Variants in DRP2 observed in about 807,000 individuals in gnomAD.
The protein encoded by DRP2 is dystrophin related protein 2.
DRP2 carries 29 observed loss-of-function variants against 78.2 expected under a neutral mutation model. The ratio of observed to expected loss-of-function variants is 0.37; its 90% confidence interval spans 0.28 to 0.51. The LOEUF is 0.51. Ranked by LOEUF, DRP2 falls within the 20% of genes least tolerant of loss-of-function variation. The pLI is 0.94. For synonymous variants in DRP2, 290 were observed against 281.9 expected (o/e 1.03, Z -0.29); for missense variants, 686 against 770.6 (o/e 0.89, Z 1.30).
chrX:101,250,387 G>A (rs1923088079), intron 14 of DRP2, 36 bp from the exon 15 acceptor site: 1 of 1,207,900 alleles, frequency 8.3e-7, no homozygotes, highest in Admixed American at 2.2e-5. Context: ...CCATTCCTGT[G>A]TCGGGGTTGG....
chrX:101,255,765 G>T (rs1329233503), intron 20 of DRP2, among the ~76,000 whole-genome samples: 7 of 108,466 alleles, frequency 6.5e-5, no homozygotes, highest in Admixed American at 5.9e-4. Context: ...GGATCAATCT[G>T]CCCTGACTGG....
chrX:101,249,671 C>T (rs187643511), intron 14 of DRP2, among the ~76,000 whole-genome samples: 2 of 111,017 alleles, frequency 1.8e-5, no homozygotes, highest in Non-Finnish European at 3.8e-5. Flanking sequence ...AGTAATGGAC[C>T]CAAAACTCGA....
rs903164516 is a variant in DRP2 at position 101,254,173 on chromosome X, A to C, written c.1978-252A>C. The stretch of plus-strand genomic sequence containing the variant: ...GCTTTTAGAGGAACTGAGACAATTA[A>C]ATTTTTAAGTATAAAATGAAAGTCC... On this transcript the variant is annotated intron_variant, in intron 17 of 23. Coordinates refer to ENST00000395209, the MANE Select transcript of DRP2 (RefSeq NM_001939.3). 1.4e-3 allele frequency among the ~76,000 whole-genome samples: 157 copies of C among 109,241 alleles called. 10 individuals are homozygous for C. The highest frequency in any genetic ancestry group is 5.3e-4 in the Non-Finnish European group (28 of 52,554). 94.9% of individuals were successfully genotyped at this position (109,241 alleles called of 115,157 possible). A position where few individuals can be genotyped will look rare whatever the true frequency, so the allele number is the denominator to read the frequency against.
chrX:101,245,536 A>G (rs1222639819), intron 11 of DRP2, 87 bp downstream of exon 11: 12 of 734,553 alleles, frequency 1.6e-5, no homozygotes, highest in Non-Finnish European at 2.4e-5. Context: ...ATGGATAAAG[A>G]AAATGTGGTA....
intron 1 of DRP2, among the ~76,000 whole-genome samples, chrX:101,223,314 T>C (rs767637971): frequency 8.9e-6 from 1 of 112,483 alleles, no homozygotes; most frequent in Non-Finnish European, 1.9e-5. Flanking sequence ...AACTTATTTT[T>C]TCTATTCAAT....
chrX:101,228,745 C>T (rs961416930), intron 2 of DRP2, among the ~76,000 whole-genome samples: 1 of 110,913 alleles, frequency 9.0e-6, no homozygotes, highest in Non-Finnish European at 1.9e-5. Flanking sequence ...CCGTCTCTAC[C>T]AAAAATACAA....
At position 101,239,006 on chromosome X, in the gene DRP2, G is replaced by A. The variant is rs952978009; in HGVS notation, c.464G>A (p.Arg155Gln). The A allele has an allele frequency of 1.5e-5, 18 of 1,208,483 alleles. No individual in the cohort carries two copies. The highest frequency in any genetic ancestry group is 3.0e-5 in the East Asian group (1 of 33,732). The change falls in exon 6 of 24, where the codon CGG (arginine) becomes CAG (glutamine). Residue 155 changes from arginine (R) to glutamine (Q), a missense_variant. This residue lies in a region of DRP2 where 263 missense variants were observed against 239.1 expected (regional missense o/e 1.10). Coordinates refer to ENST00000395209, the MANE Select transcript of DRP2 (RefSeq NM_001939.3). ...GCCTTTATGGAAGAAGTCAAGTCTCGGGGCCCCTACATCTATTCTGTGCTG... is the reference window on the plus strand; with the variant it reads ...GCCTTTATGGAAGAAGTCAAGTCTCAGGGCCCCTACATCTATTCTGTGCTG... Reference protein sequence around the residue: ...HAAFMEEVKSRGPYIYSVLES... With the variant: ...HAAFMEEVKSQGPYIYSVLES...
chrX:101,251,829 C>T (rs756504083), intron 16 of DRP2: 1 of 111,960 alleles, frequency 8.9e-6, no homozygotes, highest in East Asian at 2.8e-4. Flanking sequence ...CATCTGAGGT[C>T]TCCTTGATTA....
At chrX:101,233,050 G>T (rs749320791) in intron 3 of DRP2, among the ~76,000 whole-genome samples, 1 of 112,499 alleles carries the variant, frequency 8.9e-6, no homozygotes, top group South Asian at 3.7e-4. Flanking sequence ...AAAGCCAGAA[G>T]TAGAAGGTAA....
intron 2 of DRP2, among the ~76,000 whole-genome samples, chrX:101,230,893 C>G (rs1230222389): frequency 1.8e-5 from 2 of 112,045 alleles, no homozygotes; most frequent in East Asian, 5.6e-4. Flanking sequence ...CTCTTCACTT[C>G]ATCCCATAAA....
intron 21 of DRP2, among the ~76,000 whole-genome samples, chrX:101,256,488 G>A (rs944299262): frequency 9.0e-6 from 1 of 111,287 alleles, no homozygotes; most frequent in African/African-American, 3.3e-5. Flanking sequence ...TTGGCTCAGT[G>A]CCTGGCTTAT....
chrX:101,256,278 C>T lies in DRP2; in HGVS notation c.2390+17C>T. Reference sequence around the variant, plus strand: ...TGAGAACCGGTGGGTGTGATGATAGCAGAAATCTGTGTGGGTTCTTGAGGC... The same window carrying T: ...TGAGAACCGGTGGGTGTGATGATAGTAGAAATCTGTGTGGGTTCTTGAGGC... On this transcript the variant is annotated intron_variant, in intron 21 of 23. Coordinates refer to ENST00000395209, the MANE Select transcript of DRP2 (RefSeq NM_001939.3). The T allele has an allele frequency of 8.6e-7, 1 of 1,156,917 alleles. No homozygotes were observed. The highest frequency in any genetic ancestry group is 1.2e-6 in the Non-Finnish European group (1 of 868,388).
chrX:101,253,384 A>G (rs1050681071), intron 17 of DRP2, among the ~76,000 whole-genome samples: 1 of 109,358 alleles, frequency 9.1e-6, no homozygotes, highest in African/African-American at 3.3e-5. Context: ...AGCTTCCAGC[A>G]CTGACTCTGC....
rs1335542227 is a variant in DRP2, at chrX:101,257,557, G to A, written c.2391-752G>A. On this transcript the variant is annotated intron_variant, in intron 21 of 23. Coordinates refer to ENST00000395209, the MANE Select transcript of DRP2 (RefSeq NM_001939.3). ...TTGAATAGGGTAGAGACCAGTTTGA[G>A]TGTTGTTGAACTTGTGTGATGAATT... is the stretch of plus-strand genomic sequence containing the variant. Among the ~76,000 whole-genome samples, 4 of 109,710 alleles carry A rather than the reference G, an allele frequency of 3.6e-5. 1 individual carries two copies. Among genetic ancestry groups the A allele is most frequent in the Admixed American group, 9.7e-5 (1 of 10,279 alleles).
rs768534102 is a variant in DRP2, at chrX:101,248,534, G to A, written c.1475G>A (p.Arg492Gln). 3 of 1,210,205 alleles carry A rather than the reference G, an allele frequency of 2.5e-6. No individual in the cohort carries two copies. Among genetic ancestry groups the A allele is most frequent in the East Asian group, 3.0e-5 (1 of 33,791 alleles). Residue 492 changes from arginine (R) to glutamine (Q), a missense_variant, in exon 14 of 24, where the codon CGG becomes CAG. Coordinates refer to ENST00000395209, the MANE Select transcript of DRP2 (RefSeq NM_001939.3). ...CCTAGTGGTCGCAGCGGAAAGATGCGGGCATTGTCTTTTAAGACTGGCATT... is the reference window on the plus strand; with the variant it reads ...CCTAGTGGTCGCAGCGGAAAGATGCAGGCATTGTCTTTTAAGACTGGCATT... ...VFDSGRSGKM[R>Q]ALSFKTGIAC...
At chrX:101,240,468 T>G (rs1017067838) in intron 6 of DRP2, among the ~76,000 whole-genome samples, 1 of 112,616 alleles carries the variant, frequency 8.9e-6, no homozygotes, top group African/African-American at 3.2e-5. Context: ...ACTCTTGGGC[T>G]CAAGTGATCG....
At chrX:101,244,236 G>A (rs999343813) in intron 9 of DRP2, among the ~76,000 whole-genome samples, 1 of 111,507 alleles carries the variant, frequency 9.0e-6, no homozygotes, top group African/African-American at 3.3e-5. Flanking sequence ...TAATCCAGGT[G>A]AGGGATTATG....
rs1239457122 is a variant in DRP2 at position 101,258,332 on chromosome X, G to C, written c.2414G>C (p.Arg805Pro). 8.5e-7 allele frequency: 1 copy of C among 1,183,246 alleles called. No individual in the cohort carries two copies. The highest frequency in any genetic ancestry group is 2.4e-5 in the Admixed American group (1 of 41,235). The change falls in exon 22 of 24, where the codon CGC becomes CCC. Residue 805 changes from arginine to proline, a missense_variant. Arg to Pro is a moderately radical substitution (Grantham distance 103, BLOSUM62 -2). Around this residue, in one of 2 missense-constraint regions of DRP2, gnomAD observed 423 missense variants for 531.5 expected, o/e 0.80. Transcript: ENST00000395209. ...ENRILQGELR[R>P]LKWQHEEAAE... ...AGGATTCTCCAGGGAGAGCTGAGGC[G>C]CCTGAAGTGGCAGCATGAGGAGGCA...
chrX:101,254,330 A>G (rs1204433065), intron 17 of DRP2, 95 bp from the exon 18 acceptor site: 1 of 1,082,482 alleles, frequency 9.2e-7, no homozygotes, highest in African/African-American at 1.8e-5. Flanking sequence ...AGAGTGGATT[A>G]CCCAGCAGGC....
Sources: allele counts gnomAD v4.1 joint callset (sites outside exome capture counted in the v4.1 genomes callset), GRCh38; gene constraint gnomAD v4.1.1; regional missense constraint gnomAD v4.1.1; transcripts MANE v1.5; gene names NCBI Gene and HGNC (gene_info 2026-07-23, HGNC 2026-07-21).